PTPRT: variants seen among roughly 807,000 people sequenced by gnomAD.
PTPRT encodes protein tyrosine phosphatase receptor type T.
In PTPRT, 56 loss-of-function variants were observed where a neutral mutation model predicts 176.8. That is an observed-to-expected ratio of 0.32 (90% confidence interval 0.26 to 0.40). The LOEUF (loss-of-function observed/expected upper bound fraction) is 0.40. Ranked by LOEUF, PTPRT falls within the 10% of genes least tolerant of loss-of-function variation. PTPRT has a pLI of 1.00. For missense variants in PTPRT, 1,540 were observed against 1,908.2 expected (o/e 0.81, Z 3.60); for synonymous variants, 783 against 739.0 (o/e 1.06, Z -0.96).
intron 4 of PTPRT, among the ~76,000 whole-genome samples, chr20:42,779,737 C>T (rs1015426552): frequency 2.0e-5 from 3 of 152,144 alleles, no homozygotes; most frequent in Non-Finnish European, 2.9e-5. Context: ...TCTATGCCTA[C>T]ATGGAGCTGA....
chr20:42,479,319 T>C (rs980776978), intron 7 of PTPRT, among the ~76,000 whole-genome samples: 1 of 152,246 alleles, frequency 6.6e-6, no homozygotes, highest in Non-Finnish European at 1.5e-5. Flanking sequence ...GGATAGCTTG[T>C]ATGCAAAATT....
rs2076094055 is a variant in PTPRT at position 42,708,436 on chromosome 20, T to C, written c.860-30277A>G. Reference sequence around the variant, plus strand: ...TCCACTGGAGAGAGAGATTTCTCAGTTAGATTAATATATCACCACATCACA... The same window carrying C: ...TCCACTGGAGAGAGAGATTTCTCAGCTAGATTAATATATCACCACATCACA... On this transcript the variant is annotated intron_variant, in intron 6 of 30. Transcript: ENST00000373187. 2.0e-5 allele frequency among the ~76,000 whole-genome samples: 3 copies of C among 152,266 alleles called. No individual in the cohort carries two copies. In the South Asian group the frequency reaches 6.2e-4, roughly 32 times the overall value.
At chr20:42,502,762 A>G (rs769709725) in intron 7 of PTPRT, among the ~76,000 whole-genome samples, 24 of 152,184 alleles carry the variant, frequency 1.6e-4, no homozygotes, top group South Asian at 6.2e-4. Context: ...CTGAACATTC[A>G]TGTATTTATC....
chr20:42,364,617 C>T (rs2058489789), intron 9 of PTPRT, among the ~76,000 whole-genome samples: 1 of 152,136 alleles, frequency 6.6e-6, no homozygotes, highest in African/African-American at 2.4e-5. Context: ...CTAACTTTGC[C>T]TCTGTGGTAT....
At chr20:42,497,636 C>A (rs2071678712) in intron 7 of PTPRT, among the ~76,000 whole-genome samples, 1 of 152,078 alleles carries the variant, frequency 6.6e-6, no homozygotes, top group South Asian at 2.1e-4. Flanking sequence ...ACAAGCCACC[C>A]TTTGCTGGCA....
At chr20:42,633,958 A>C (rs1303637449) in intron 7 of PTPRT, among the ~76,000 whole-genome samples, 2 of 28,484 alleles carry the variant, frequency 7.0e-5, no homozygotes, top group East Asian at 9.5e-4. Context: ...ATATAATTAT[A>C]TATAATATAT....
At chr20:43,078,591 C>T (rs2011344931) in intron 1 of PTPRT, among the ~76,000 whole-genome samples, 1 of 152,146 alleles carries the variant, frequency 6.6e-6, no homozygotes, top group South Asian at 2.1e-4. Context: ...TGCAAGGTGG[C>T]ACGGAGGGCT....
chr20:42,518,494 T>C (rs1238408695), intron 7 of PTPRT, among the ~76,000 whole-genome samples: 6 of 152,132 alleles, frequency 3.9e-5, no homozygotes, highest in Admixed American at 6.5e-5. Flanking sequence ...GTGTTAGTGA[T>C]AGTATTTTAT....
chr20:42,172,513 C>G (rs1990120734), intron 16 of PTPRT, among the ~76,000 whole-genome samples: 1 of 152,200 alleles, frequency 6.6e-6, no homozygotes, highest in Non-Finnish European at 1.5e-5. Flanking sequence ...AGCCCATCAC[C>G]TGGGTGCTAG....
chr20:43,025,373 C>T lies in PTPRT; in HGVS notation c.89-139441G>A, dbSNP rs114069086. ...AAGTCAGGGAAACCAACTTCCAGAACGCAGTCCATCCTTTTACACTGATGG... is the reference window on the plus strand; with the variant it reads ...AAGTCAGGGAAACCAACTTCCAGAATGCAGTCCATCCTTTTACACTGATGG... On this transcript the variant is annotated intron_variant, in intron 1 of 30. Transcript: ENST00000373187. 4.0e-3 allele frequency among the ~76,000 whole-genome samples: 606 copies of T among 152,320 alleles called. 4 individuals are homozygous for T. The highest frequency in any genetic ancestry group is 0.014 in the African/African-American group (581 of 41,560).
intron 2 of PTPRT, among the ~76,000 whole-genome samples, chr20:42,797,787 G>C (rs1247432716): frequency 6.6e-6 from 1 of 152,132 alleles, no homozygotes; most frequent in Admixed American, 6.5e-5. Context: ...AGGAGAGTCA[G>C]AATCACAGTT....
chr20:43,144,387 A>C (rs767984123), intron 1 of PTPRT, among the ~76,000 whole-genome samples: 1 of 152,050 alleles, frequency 6.6e-6, no homozygotes, highest in Non-Finnish European at 1.5e-5. Flanking sequence ...TCACCTTCCT[A>C]TTCATTCTTC....
At chr20:42,447,635 T>C (rs1169335829) in intron 9 of PTPRT, among the ~76,000 whole-genome samples, 2 of 152,162 alleles carry the variant, frequency 1.3e-5, no homozygotes, top group Non-Finnish European at 2.9e-5. Flanking sequence ...GAAGGCACAT[T>C]GTGTTGGCTT....
intron 15 of PTPRT, among the ~76,000 whole-genome samples, chr20:42,232,016 T>G (rs1262717289): frequency 1.3e-5 from 2 of 152,202 alleles, no homozygotes; most frequent in Non-Finnish European, 2.9e-5. Flanking sequence ...CTCTTACCAC[T>G]ACATACTATT....
Position 42,422,920 on chromosome 20 carries a change from T to A in PTPRT, c.1560+25300A>T, listed in dbSNP as rs190480812. On this transcript the variant is annotated intron_variant, in intron 9 of 30. Transcript: ENST00000373187. The stretch of plus-strand genomic sequence containing the variant: ...GAACACAGATGGCGGTGGAGGCCAT[T>A]ATCCTTAGCAAGCTAACACAGAAAC... Among the ~76,000 whole-genome samples, 394 of 152,114 alleles carry A rather than the reference T, an allele frequency of 2.6e-3. 1 individual carries two copies. The highest frequency in any genetic ancestry group is 4.2e-3 in the Non-Finnish European group (285 of 68,002).
At chr20:42,249,538 G>A (rs2056515101) in intron 13 of PTPRT, among the ~76,000 whole-genome samples, 1 of 152,102 alleles carries the variant, frequency 6.6e-6, no homozygotes, top group Non-Finnish European at 1.5e-5. Context: ...GATCTGGCCT[G>A]GTCAGTCCTC....
chr20:42,685,699 C>T (rs1037267765), intron 6 of PTPRT: 2 of 152,066 alleles, frequency 1.3e-5, no homozygotes, highest in African/African-American at 4.8e-5. Context: ...TACATGAAAA[C>T]GCTGACGTTT....
intron 7 of PTPRT, among the ~76,000 whole-genome samples, chr20:42,544,757 G>A (rs1323648272): frequency 6.6e-6 from 1 of 152,228 alleles, no homozygotes; most frequent in Non-Finnish European, 1.5e-5. Context: ...CAAGTCTTGT[G>A]TAAGCTATAC....
At chr20:42,473,186 T>G (rs1412327467) in intron 7 of PTPRT, among the ~76,000 whole-genome samples, 1 of 152,194 alleles carries the variant, frequency 6.6e-6, no homozygotes, top group African/African-American at 2.4e-5. Flanking sequence ...CTTCCATCCC[T>G]CTTTTTCTCC....
Sources: allele counts gnomAD v4.1 joint callset (sites outside exome capture counted in the v4.1 genomes callset), GRCh38; gene constraint gnomAD v4.1.1; transcripts MANE v1.5; gene names NCBI Gene and HGNC (gene_info 2026-07-23, HGNC 2026-07-21).